The following GAB1 variants were observed in gnomAD, a reference collection of about 807,000 sequenced individuals.
The protein encoded by GAB1 is GRB2 associated binding protein 1.
GAB1 carries 19 observed loss-of-function variants against 66.5 expected under a neutral mutation model. The observed-to-expected ratio is 0.29, with a 90% CI of 0.20 to 0.42. The LOEUF (loss-of-function observed/expected upper bound fraction) is 0.42. GAB1 is among the 10% of genes least tolerant of loss of function. The pLI is 1.00. For missense variants in GAB1, 732 were observed against 858.5 expected, an observed-to-expected ratio of 0.85 and a Z score of 1.84; for synonymous variants, 294 against 301.4, an observed-to-expected ratio of 0.98 and a Z score of 0.25.
intron 1 of GAB1, among the ~76,000 whole-genome samples, chr4:143,337,498 C>A (rs1279237078): frequency 6.6e-6 from 1 of 152,188 alleles, no homozygotes; most frequent in East Asian, 1.9e-4. Flanking sequence ...GCCTGCTTTG[C>A]GGGCCTGTTC....
intron 8 of GAB1, among the ~76,000 whole-genome samples, chr4:143,465,437 TG>T (rs921262692): frequency 1.3e-5 from 2 of 152,180 alleles, no homozygotes. Flanking sequence ...GCACTATTTT[TG>T]TCCAAAATTT....
chr4:143,383,482 G>C (rs1038793847), intron 1 of GAB1, among the ~76,000 whole-genome samples: 2 of 152,082 alleles, frequency 1.3e-5, no homozygotes, highest in African/African-American at 4.8e-5. Context: ...AGAAGATTTT[G>C]AAAATTCTGA....
chr4:143,368,888 G>A (rs1293319533), intron 1 of GAB1, among the ~76,000 whole-genome samples: 4 of 152,042 alleles, frequency 2.6e-5, no homozygotes, highest in Admixed American at 6.5e-5. Context: ...AGGTTCAAGC[G>A]ATTCTCCTGC....
chr4:143,468,208 CTTTTTTTTTTTTT>C (rs780138131), intron 9 of GAB1, among the ~76,000 whole-genome samples: 3 of 70,058 alleles, frequency 4.3e-5, no homozygotes, highest in East Asian at 4.8e-4. Flanking sequence ...AGTTTGAATT[CTTTTTTTTTTTTT>C]TTTTTTTTTT....
Position 143,469,387 on chromosome 4 carries a change from T to C in GAB1, c.*198T>C. On this transcript the variant is annotated 3_prime_UTR_variant, in exon 10 of 10. Transcript: ENST00000262994. ...ATCTGAACAATTCATAACATGTAAATAATGTGGGAAAATAGTATTGTTTAG... is the reference window on the plus strand; with the variant it reads ...ATCTGAACAATTCATAACATGTAAACAATGTGGGAAAATAGTATTGTTTAG... The C allele has an allele frequency of 5.6e-6, 3 of 532,794 alleles. No homozygotes were observed. Among genetic ancestry groups the C allele is most frequent in the Non-Finnish European group, 1.0e-5 (3 of 298,632 alleles). 33.0% of individuals were successfully genotyped at this position (532,794 alleles called of 1,614,324 possible).
At chr4:143,347,493 G>T (rs775703764) in intron 1 of GAB1, among the ~76,000 whole-genome samples, 5 of 152,190 alleles carry the variant, frequency 3.3e-5, no homozygotes, top group Non-Finnish European at 7.3e-5. Context: ...GAATTGATTA[G>T]TCCAAAGTCA....
At chr4:143,345,673 C>T (rs571928062) in intron 1 of GAB1, among the ~76,000 whole-genome samples, 16 of 152,338 alleles carry the variant, frequency 1.1e-4, no homozygotes, top group Middle Eastern at 6.8e-3. Flanking sequence ...GGAGGCCATC[C>T]TCCTGTCAGA....
intron 1 of GAB1, among the ~76,000 whole-genome samples, chr4:143,342,503 G>A (rs1728853063): frequency 7.0e-6 from 1 of 143,330 alleles, no homozygotes; most frequent in African/African-American, 2.6e-5. Flanking sequence ...ATAAGCTATT[G>A]ACAATTTGCA....
intron 1 of GAB1, among the ~76,000 whole-genome samples, chr4:143,357,878 A>G (rs1046937307): frequency 2.0e-5 from 3 of 151,968 alleles, no homozygotes; most frequent in Non-Finnish European, 4.4e-5. Flanking sequence ...ATATATATAT[A>G]TATGAATTAT....
At chr4:143,446,162 A>G (rs943557515) in intron 6 of GAB1, among the ~76,000 whole-genome samples, 17 of 152,066 alleles carry the variant, frequency 1.1e-4, no homozygotes, top group African/African-American at 4.1e-4. Context: ...CATGGTGTAT[A>G]TGTGCCACAT....
chr4:143,372,740 T>G (rs1293156322), intron 1 of GAB1, among the ~76,000 whole-genome samples: 4 of 152,188 alleles, frequency 2.6e-5, no homozygotes, highest in Non-Finnish European at 5.9e-5. Flanking sequence ...TGGAAACTTG[T>G]TCAGGGGTAT....
At chr4:143,440,711 C>A (rs1012856535) in intron 6 of GAB1, among the ~76,000 whole-genome samples, 3 of 152,198 alleles carry the variant, frequency 2.0e-5, no homozygotes, top group Non-Finnish European at 4.4e-5. Flanking sequence ...CTAACCTACA[C>A]TGCTACAATC....
At chr4:143,383,177 T>TACAA (rs1048640762) in intron 1 of GAB1, among the ~76,000 whole-genome samples, 96 of 152,324 alleles carry the variant, frequency 6.3e-4, no homozygotes, top group African/African-American at 2.2e-3. Context: ...AATAGCTGTG[T>TACAA]GTTGTAATGA....
intron 1 of GAB1, among the ~76,000 whole-genome samples, chr4:143,412,364 A>T (rs1732442976): frequency 6.6e-6 from 1 of 152,192 alleles, no homozygotes; most frequent in Non-Finnish European, 1.5e-5. Flanking sequence ...CAAGTGGAAG[A>T]TGCTTTGAAA....
intron 1 of GAB1, among the ~76,000 whole-genome samples, chr4:143,339,973 G>A (rs1327900338): frequency 3.3e-5 from 5 of 152,142 alleles, no homozygotes; most frequent in African/African-American, 1.2e-4. Flanking sequence ...TAGACAGGGC[G>A]GCTGTCAGAA....
At position 143,439,788 on chromosome 4, in the gene GAB1, G is replaced by C; in HGVS notation, c.1196-14G>C. ...AGATGGGAATAAATGTTGATAGTTT[G>C]TTCTTTATTTTAGATGCTAGTTCTC... On this transcript the variant is annotated splice_polypyrimidine_tract_variant and intron_variant, in intron 4 of 9. Transcript: ENST00000262994. 1 of 1,581,692 alleles carries C rather than the reference G, an allele frequency of 6.3e-7. No individual in the cohort carries two copies. The highest frequency in any genetic ancestry group is 8.7e-7 in the Non-Finnish European group (1 of 1,150,784).
intron 1 of GAB1, among the ~76,000 whole-genome samples, chr4:143,377,850 G>T (rs1358413255): frequency 6.6e-6 from 1 of 152,224 alleles, no homozygotes; most frequent in Non-Finnish European, 1.5e-5. Flanking sequence ...ATGAAAAAGA[G>T]AAGTGAAATC....
intron 3 of GAB1, chr4:143,434,003 C>A: frequency 4.0e-6 from 3 of 758,004 alleles, no homozygotes; most frequent in East Asian, 4.1e-5. Context: ...GTCTTTGTTA[C>A]AGACTCACAG....
intron 1 of GAB1, chr4:143,376,755 G>T (rs1338317006): frequency 6.6e-6 from 1 of 152,174 alleles, no homozygotes; most frequent in Admixed American, 6.5e-5. Flanking sequence ...ATAACCAAGA[G>T]AATTTGGTTC....
Sources: allele counts gnomAD v4.1 joint callset (sites outside exome capture counted in the v4.1 genomes callset), GRCh38; gene constraint gnomAD v4.1.1; transcripts MANE v1.5; gene names NCBI Gene and HGNC (gene_info 2026-07-23, HGNC 2026-07-21).